Variants in COL22A1 observed in about 807,000 individuals in gnomAD.
COL22A1 encodes the protein collagen alpha-1(XXII) chain.
Under a neutral mutation model 248.9 loss-of-function variants are expected in COL22A1, and 221 were observed. That is an observed-to-expected ratio of 0.89 (90% CI 0.80 to 0.99). The LOEUF (loss-of-function observed/expected upper bound fraction) is 0.99. COL22A1 is among the 50% of genes least tolerant of loss of function. The pLI is 0.00. For missense variants in COL22A1, 2,240 were observed against 2,179.0 expected (o/e 1.03, Z -0.56); for synonymous variants, 891 against 793.4 (o/e 1.12, Z -2.07).
At chr8:138,810,557 T>C (rs770607517) in intron 9 of COL22A1, among the ~76,000 whole-genome samples, 17 of 152,322 alleles carry the variant, frequency 1.1e-4, no homozygotes, top group Non-Finnish European at 2.4e-4. Flanking sequence ...TGAAGGGCTC[T>C]TAAGGTCACC....
At chr8:138,800,881 C>A (rs1466496630) in intron 11 of COL22A1, among the ~76,000 whole-genome samples, 2 of 152,198 alleles carry the variant, frequency 1.3e-5, no homozygotes, top group African/African-American at 2.4e-5. Flanking sequence ...ATTTCCTACA[C>A]CTACTGCCTG....
chr8:138,881,972 A>C (rs1824248709), intron 2 of COL22A1, among the ~76,000 whole-genome samples: 1 of 152,040 alleles, frequency 6.6e-6, no homozygotes. Flanking sequence ...GGGCCTTCTC[A>C]TCTCCAGTCA....
intron 47 of COL22A1, among the ~76,000 whole-genome samples, chr8:138,640,909 G>T (rs1286592089): frequency 6.6e-6 from 1 of 152,172 alleles, no homozygotes; most frequent in Non-Finnish European, 1.5e-5. Context: ...GGCAAAGTGG[G>T]TTGGGGACCA....
intron 23 of COL22A1, among the ~76,000 whole-genome samples, chr8:138,733,328 A>G (rs1004641287): frequency 1.3e-5 from 2 of 152,224 alleles, no homozygotes; most frequent in Admixed American, 6.5e-5. Flanking sequence ...TAGCAGGTGG[A>G]ATATTTCATT....
chr8:138,822,047 T>TGTTTC (rs1407539733), intron 6 of COL22A1, among the ~76,000 whole-genome samples: 1 of 151,922 alleles, frequency 6.6e-6, no homozygotes, highest in Non-Finnish European at 1.5e-5. Flanking sequence ...TGTTTTGTTT[T>TGTTTC]GTTTTGTTTT....
At chr8:138,833,548 C>T (rs953439263) in intron 4 of COL22A1, among the ~76,000 whole-genome samples, 1 of 152,216 alleles carries the variant, frequency 6.6e-6, no homozygotes, top group Non-Finnish European at 1.5e-5. Context: ...GCTTTCCTTC[C>T]TGCAGCCGTA....
chr8:138,813,505 T>G (rs1273882701), intron 7 of COL22A1, among the ~76,000 whole-genome samples: 1 of 152,232 alleles, frequency 6.6e-6, no homozygotes, highest in Non-Finnish European at 1.5e-5. Context: ...GTGAGTCAAT[T>G]AAATCTCTTT....
intron 56 of COL22A1, among the ~76,000 whole-genome samples, chr8:138,613,248 A>C (rs201636567): frequency 0.035 from 934 of 26,554 alleles, 9 homozygotes; most frequent in Middle Eastern, 0.11. Flanking sequence ...ACTCCGTTTC[A>C]AAAAAAAAAA....
At chr8:138,877,562 G>A (rs945859821) in intron 3 of COL22A1, among the ~76,000 whole-genome samples, 188 bp downstream of exon 3, 1 of 152,144 alleles carries the variant, frequency 6.6e-6, no homozygotes, top group African/African-American at 2.4e-5. Flanking sequence ...TCCAGGGGGT[G>A]CCCATGCTAC....
intron 45 of COL22A1, among the ~76,000 whole-genome samples, chr8:138,651,150 AG>A (rs1463941407): frequency 6.6e-6 from 1 of 152,134 alleles, no homozygotes; most frequent in East Asian, 1.9e-4. Flanking sequence ...ATTCTTTAGA[AG>A]TCTCCCCCTC....
chr8:138,717,661 C>T (rs1390586439), intron 27 of COL22A1, among the ~76,000 whole-genome samples: 2 of 152,118 alleles, frequency 1.3e-5, no homozygotes, highest in African/African-American at 4.8e-5. Context: ...GAAAGAGTCT[C>T]ACTGTGTTGG....
chr8:138,828,943 G>T (rs1189893110), intron 5 of COL22A1, among the ~76,000 whole-genome samples: 1 of 152,122 alleles, frequency 6.6e-6, no homozygotes, highest in African/African-American at 2.4e-5. Context: ...CTGCCCTGGG[G>T]GCTGGGGGCT....
chr8:138,735,953 G>A (rs530614426), intron 23 of COL22A1, among the ~76,000 whole-genome samples: 3 of 152,244 alleles, frequency 2.0e-5, no homozygotes, highest in South Asian at 2.1e-4. Context: ...GTCCAGTCCC[G>A]AGTGGTGCTG....
chr8:138,620,972 T>C (rs920441431), intron 52 of COL22A1, among the ~76,000 whole-genome samples: 13 of 111,332 alleles, frequency 1.2e-4, no homozygotes, highest in Non-Finnish European at 2.5e-4. Flanking sequence ...CATCCATCCA[T>C]CCATCCATCC....
chr8:138,671,042 C>A (rs188868650), intron 41 of COL22A1, among the ~76,000 whole-genome samples: 154 of 146,974 alleles, frequency 1.0e-3, no homozygotes, highest in African/African-American at 3.7e-3. Context: ...CCACAGTTGA[C>A]CCCTGAGCAA....
intron 1 of COL22A1, among the ~76,000 whole-genome samples, chr8:138,912,966 T>C (rs1046674562): frequency 6.6e-6 from 1 of 152,044 alleles, no homozygotes; most frequent in East Asian, 1.9e-4. Flanking sequence ...CTAATTCAAA[T>C]CGTGCTCAAT....
At chr8:138,701,950 C>T (rs1274624338) in intron 31 of COL22A1, among the ~76,000 whole-genome samples, 1 of 152,186 alleles carries the variant, frequency 6.6e-6, no homozygotes, top group Non-Finnish European at 1.5e-5. Context: ...TTCCATGATA[C>T]AGATATTTTG....
chr8:138,745,465 T>C (rs1832030598), intron 22 of COL22A1, among the ~76,000 whole-genome samples: 1 of 152,224 alleles, frequency 6.6e-6, no homozygotes, highest in Admixed American at 6.5e-5. Flanking sequence ...TTATGCGTAT[T>C]TTATAGGCAT....
At chr8:138,875,527 G>A (rs1823649781) in intron 3 of COL22A1, among the ~76,000 whole-genome samples, 1 of 152,208 alleles carries the variant, frequency 6.6e-6, no homozygotes, top group African/African-American at 2.4e-5. Context: ...TGGAATGACA[G>A]GTAGAATTCA....
Sources: allele counts gnomAD v4.1 joint callset (sites outside exome capture counted in the v4.1 genomes callset), GRCh38; gene constraint gnomAD v4.1.1; transcripts MANE v1.5; gene names NCBI Gene and HGNC (gene_info 2026-07-23, HGNC 2026-07-21).